SACS: variants seen among roughly 807,000 people sequenced by gnomAD.
The protein encoded by SACS is sacsin molecular chaperone, also known as sacsin.
In SACS, 197 loss-of-function variants were observed where a neutral mutation model predicts 348.0. The observed-to-expected ratio is 0.57, with a 90% CI of 0.50 to 0.64. The LOEUF (loss-of-function observed/expected upper bound fraction) is 0.64. SACS is among the 30% of genes least tolerant of loss of function. The probability of loss-of-function intolerance (pLI) is 0.00; values close to 1 mark genes in which losing one functional copy is unlikely to be tolerated. For synonymous variants in SACS, 1,985 were observed against 1,910.6 expected (o/e 1.04, Z -1.02); for missense variants, 4,999 against 5,360.8 (o/e 0.93, Z 2.11).
At chr13:23,408,463 C>T (rs1333659259) in intron 2 of SACS, among the ~76,000 whole-genome samples, 2 of 152,236 alleles carry the variant, frequency 1.3e-5, no homozygotes, top group African/African-American at 4.8e-5. Flanking sequence ...ATATTTAATA[C>T]TATATCTGCT....
rs1290610225 is a variant in SACS at position 23,335,530 on chromosome 13, T to C, written c.8346A>G (p.Ala2782=). ...GDRLKRKQFH[A]SVIDSVTKKR... is the part of the protein sequence containing the mutation. ...TTTTAGTAACACTATCAATTACAGA[T>C]GCATGAAATTGTTTCCTTTTCAATC... Residue 2782 remains alanine (A), a synonymous_variant, in exon 10 of 10, where the codon GCA becomes GCG. Coordinates refer to ENST00000382292, the MANE Select transcript of SACS (RefSeq NM_014363.6). This position sits in a 1 kb window ranked among gnomAD's most constrained non-coding sequence, Gnocchi z 4.7. The C allele has an allele frequency of 1.9e-6, 3 of 1,613,746 alleles. No homozygotes were observed. The highest frequency in any genetic ancestry group is 2.2e-5 in the East Asian group (1 of 44,878).
intron 2 of SACS, among the ~76,000 whole-genome samples, chr13:23,396,436 C>T (rs1314415699): frequency 6.6e-6 from 1 of 151,434 alleles, no homozygotes; most frequent in East Asian, 1.9e-4. Flanking sequence ...TTTTTAATAA[C>T]TAAGACTATT....
At chr13:23,356,068 A>C in intron 7 of SACS, 61 bp from the exon 8 acceptor site, 1 of 1,344,424 alleles carries the variant, frequency 7.4e-7, no homozygotes, top group African/African-American at 1.5e-5. Context: ...TATGATTACA[A>C]TTATAATAAA....
intron 2 of SACS, among the ~76,000 whole-genome samples, chr13:23,401,302 C>A (rs1872969266): frequency 6.6e-6 from 1 of 152,186 alleles, no homozygotes; most frequent in Admixed American, 6.5e-5. Context: ...ATCTGATTTG[C>A]CTCCTTTGGA....
chr13:23,429,406 G>A (rs376077924), intron 1 of SACS, among the ~76,000 whole-genome samples: 8 of 119,988 alleles, frequency 6.7e-5, no homozygotes, highest in Admixed American at 2.3e-4. Flanking sequence ...TCTGTCACCC[G>A]GGCTGGAGTG....
intron 2 of SACS, among the ~76,000 whole-genome samples, chr13:23,387,103 G>A (rs1473395619): frequency 3.3e-5 from 5 of 152,058 alleles, no homozygotes; most frequent in Admixed American, 6.5e-5. Context: ...AGCACTTGCT[G>A]TTGGGAAAAT....
At position 23,332,062 on chromosome 13, in the gene SACS, A is replaced by G; in HGVS notation, c.11814T>C (p.Ile3938=). 6.2e-7 allele frequency: 1 copy of G among 1,614,104 alleles called. No homozygotes were observed. Among genetic ancestry groups the G allele is most frequent in the South Asian group, 1.1e-5 (1 of 91,074 alleles). ...PHYKSRIQGN[I]GVQMLVDLSQ... is the part of the protein sequence containing the mutation. ...TGAGATCAACTAACATTTGCACACC[A>G]ATATTCCCCTGGATTCTACTTTTAT... The change falls in exon 10 of 10, where the codon ATT becomes ATC. Residue 3938 remains isoleucine, a synonymous_variant. Coordinates refer to ENST00000382292, the MANE Select transcript of SACS (RefSeq NM_014363.6).
chr13:23,353,015 GAAC>G (rs141208067), intron 9 of SACS, among the ~76,000 whole-genome samples: 7,701 of 149,144 alleles, frequency 0.052, 659 homozygotes, highest in African/African-American at 0.19. Flanking sequence ...TTGACAATGT[GAAC>G]AGCAGGACAA....
In SACS at chr13:23,341,584, C is replaced by T; in HGVS notation, c.2292G>A (p.Trp764Ter). Residue 764 changes from tryptophan to a stop codon, truncating the protein, a stop_gained, in exon 10 of 10, where the codon TGG (tryptophan) becomes TGA (stop). Coordinates refer to ENST00000382292, the MANE Select transcript of SACS (RefSeq NM_014363.6). LOFTEE classifies it high-confidence loss of function. ...FWPGRELIVQ[W>*]YPFDENRNHP... ...GATTTCTGTTTTCATCAAATGGATA[C>T]CATTGAACAATCAATTCTCTGCCAG... 6.2e-7 allele frequency: 1 copy of T among 1,614,032 alleles called. No individual in the cohort carries two copies. Among genetic ancestry groups the T allele is most frequent in the East Asian group, 2.2e-5 (1 of 44,874 alleles).
rs529493214 is a variant in SACS, at chr13:23,367,856, A to G, written c.345+546T>C. Among the ~76,000 whole-genome samples, 256 of 152,304 alleles carry G rather than the reference A, an allele frequency of 1.7e-3. 1 individual carries two copies. The highest frequency in any genetic ancestry group is 6.0e-3 in the African/African-American group (250 of 41,550). ...TGATCCACCCGCCTCAGCCTCCCAA[A>G]GTGCTGGGATTACAGGCATGAGCCA... is the stretch of plus-strand genomic sequence containing the variant. On this transcript the variant is annotated intron_variant, in intron 5 of 9. Transcript: ENST00000382292.
Position 23,341,160 on chromosome 13 carries a change from A to G in SACS, c.2716T>C (p.Phe906Leu), listed in dbSNP as rs199817091. Residue 906 changes from phenylalanine to leucine, a missense_variant, in exon 10 of 10, where the codon TTC (phenylalanine) becomes CTC (leucine). Physicochemically the swap from Phe to Leu is conservative, Grantham distance 22 (BLOSUM62 0). Around this residue, in one of 6 missense-constraint regions of SACS, gnomAD observed 3,156 missense variants for 3,380.1 expected, o/e 0.93. Coordinates refer to ENST00000382292, the MANE Select transcript of SACS (RefSeq NM_014363.6). ...LPTHKDALRK[F>L]LASLTDSSEK... Reference sequence around the variant, plus strand: ...CTGCTATCGGTTAAACTAGCCAAGAACTTCCTCAGGGCATCTTTGTGTGTT... The same window carrying G: ...CTGCTATCGGTTAAACTAGCCAAGAGCTTCCTCAGGGCATCTTTGTGTGTT... 8.1e-6 allele frequency: 13 copies of G among 1,613,234 alleles called. No individual in the cohort carries two copies. The highest frequency in any genetic ancestry group is 8.5e-7 in the Non-Finnish European group (1 of 1,180,020).
In SACS at chr13:23,336,835, A is replaced by C; in HGVS notation, c.7041T>G (p.Ile2347Met). ...AGTCAACATATGCATTCTCAACTAG[A>C]ATGAAGCTAAAGGGTTTTAACTTAT... ...IIDKLKPFSF[I>M]LVENAYVDSE... The change falls in exon 10 of 10, where the codon ATT becomes ATG. Residue 2347 changes from isoleucine to methionine, a missense_variant. Around this residue, in one of 6 missense-constraint regions of SACS, gnomAD observed 3,156 missense variants for 3,380.1 expected, o/e 0.93. Transcript: ENST00000382292. The C allele has an allele frequency of 6.2e-7, 1 of 1,613,724 alleles. No homozygotes were observed. Among genetic ancestry groups the C allele is most frequent in the Non-Finnish European group, 8.5e-7 (1 of 1,179,760 alleles).
chr13:23,379,538 C>T lies in SACS; in HGVS notation c.21-4269G>A, dbSNP rs539191696. Among the ~76,000 whole-genome samples, 12 of 152,256 alleles carry T rather than the reference C, an allele frequency of 7.9e-5. 1 individual carries two copies. Among genetic ancestry groups the T allele is most frequent in the African/African-American group, 2.6e-4 (11 of 41,544 alleles). On this transcript the variant is annotated intron_variant, in intron 2 of 9. Transcript: ENST00000382292. ...GGGAGCAGGCAAAGGGATTCTTGAG[C>T]GCCTCAAATCTCTTCACCTCAACCT...
At chr13:23,379,994 C>T (rs1871977866) in intron 2 of SACS, among the ~76,000 whole-genome samples, 1 of 152,082 alleles carries the variant, frequency 6.6e-6, no homozygotes, top group Non-Finnish European at 1.5e-5. Context: ...CATTCCAGAG[C>T]TCAGCTCCCA....
intron 2 of SACS, among the ~76,000 whole-genome samples, chr13:23,377,964 G>A (rs1209633976): frequency 1.3e-5 from 2 of 152,224 alleles, no homozygotes; most frequent in South Asian, 2.1e-4. Flanking sequence ...CCAGAAAAAT[G>A]ACAAAACTTT....
In SACS at chr13:23,329,845, A is replaced by G; in HGVS notation, c.*291T>C. On this transcript the variant is annotated 3_prime_UTR_variant, in exon 10 of 10. Transcript: ENST00000382292. Reference sequence around the variant, plus strand: ...AGACATACATAGACTCTTATCTAACAAACTGCTAAGCTTTGGTTATATAAA... The same window carrying G: ...AGACATACATAGACTCTTATCTAACGAACTGCTAAGCTTTGGTTATATAAA... 4.0e-6 allele frequency: 2 copies of G among 501,548 alleles called. No individual in the cohort carries two copies. Among genetic ancestry groups the G allele is most frequent in the Non-Finnish European group, 7.1e-6 (2 of 281,304 alleles). The allele number at this position is 501,548 out of a possible 1,614,324, so 31.1% of individuals were successfully genotyped here.
At chr13:23,362,733 G>A (rs973761000) in intron 6 of SACS, among the ~76,000 whole-genome samples, 1 of 150,530 alleles carries the variant, frequency 6.6e-6, no homozygotes, top group Non-Finnish European at 1.5e-5. Context: ...TTACAGATAT[G>A]CATCACCACG....
chr13:23,331,863 G>A lies in SACS; in HGVS notation c.12013C>T (p.Leu4005Phe), dbSNP rs771944361. ...LCSLQGRLQL[L>F]LSSEQFITGL... Reference sequence around the variant, plus strand: ...GTAATGAACTGTTCAGAAGACAAGAGTAACTGCAATCTTCCTTGAAGAGAA... The same window carrying A: ...GTAATGAACTGTTCAGAAGACAAGAATAACTGCAATCTTCCTTGAAGAGAA... The change falls in exon 10 of 10, where the codon CTC becomes TTC. Residue 4005 changes from leucine to phenylalanine, a missense_variant. Physicochemically the swap from Leu to Phe is conservative, Grantham distance 22 (BLOSUM62 0). Transcript: ENST00000382292. 1 of 1,614,032 alleles carries A rather than the reference G, an allele frequency of 6.2e-7. No individual in the cohort carries two copies. The highest frequency in any genetic ancestry group is 1.7e-5 in the Admixed American group (1 of 60,018).
chr13:23,352,331 AG>A (rs1441417073), intron 9 of SACS, among the ~76,000 whole-genome samples: 2 of 152,252 alleles, frequency 1.3e-5, no homozygotes, highest in African/African-American at 2.4e-5. Context: ...AGCAAATAAA[AG>A]CCAGACGCAG....
Sources: gnomAD v4.1 joint callset for allele counts (sites outside exome capture counted in the v4.1 genomes callset) on GRCh38, gnomAD v4.1.1 for gene constraint, gnomAD v4.1.1 regional missense constraint, Gnocchi (gnomAD v3.1) non-coding constraint, MANE v1.5 for transcripts, NCBI Gene and HGNC (gene_info 2026-07-23, HGNC 2026-07-21) for gene names.